PPP1R21: variants seen among roughly 807,000 people sequenced by gnomAD.
PPP1R21 encodes the protein protein phosphatase 1 regulatory subunit 21.
In PPP1R21, 85 loss-of-function variants were observed where a neutral mutation model predicts 112.8. The ratio of observed to expected loss-of-function variants is 0.75; its 90% CI spans 0.63 to 0.90. PPP1R21 has a LOEUF of 0.90. PPP1R21 is among the 40% of genes least tolerant of loss of function. The probability of loss-of-function intolerance (pLI) is 0.00; values close to 1 mark genes in which losing one functional copy is unlikely to be tolerated. For missense variants in PPP1R21, 1,199 were observed against 901.5 expected (o/e 1.33, Z -4.23); for synonymous variants, 381 against 322.3 (o/e 1.18, Z -1.95).
intron 1 of PPP1R21, among the ~76,000 whole-genome samples, chr2:48,444,637 A>C (rs1162829212): frequency 6.6e-6 from 1 of 152,186 alleles, no homozygotes; most frequent in Non-Finnish European, 1.5e-5. Flanking sequence ...ATGATTCTCA[A>C]AGTGTGGAAC....
At chr2:48,464,650 AAGTAGTCCTG>A (rs2103817202) in intron 7 of PPP1R21, among the ~76,000 whole-genome samples, 1 of 152,308 alleles carries the variant, frequency 6.6e-6, no homozygotes, top group African/African-American at 2.4e-5. Flanking sequence ...GAGCCTTTCT[AAGTAGTCCTG>A]ATAAGCCTGA....
chr2:48,448,938 T>C (rs1667365371), intron 1 of PPP1R21, among the ~76,000 whole-genome samples: 1 of 151,996 alleles, frequency 6.6e-6, no homozygotes, highest in Non-Finnish European at 1.5e-5. Context: ...TATGGCTATG[T>C]TCCAATAAAA....
At chr2:48,457,034 A>C (rs548233093) in intron 3 of PPP1R21, among the ~76,000 whole-genome samples, 7 of 151,376 alleles carry the variant, frequency 4.6e-5, no homozygotes, top group African/African-American at 1.7e-4. Context: ...CCTGGGCGAC[A>C]GAGTGAGACT....
intron 1 of PPP1R21, among the ~76,000 whole-genome samples, chr2:48,445,474 A>C (rs909430296): frequency 6.6e-6 from 1 of 152,192 alleles, no homozygotes; most frequent in South Asian, 2.1e-4. Flanking sequence ...TAAATGACTC[A>C]CTTGAAGACC....
intron 21 of PPP1R21, among the ~76,000 whole-genome samples, 183 bp downstream of exon 21, chr2:48,511,651 C>T (rs1415787742): frequency 7.0e-6 from 1 of 143,660 alleles, no homozygotes. Flanking sequence ...CCCTTGAGGC[C>T]AGGAGTTGGA....
chr2:48,476,395 A>G (rs1558470627), intron 12 of PPP1R21, among the ~76,000 whole-genome samples: 1 of 152,214 alleles, frequency 6.6e-6, no homozygotes. Flanking sequence ...GCTATTACAA[A>G]TAATGATGCT....
intron 12 of PPP1R21, among the ~76,000 whole-genome samples, chr2:48,477,668 T>TTG (rs202018499): frequency 3.7e-5 from 3 of 80,012 alleles, no homozygotes; most frequent in African/African-American, 1.1e-4. Flanking sequence ...GCCCTCCTAC[T>TTG]TTTTTTTTTT....
chr2:48,442,137 A>T (rs1265350209), intron 1 of PPP1R21, among the ~76,000 whole-genome samples: 1 of 152,208 alleles, frequency 6.6e-6, no homozygotes, highest in African/African-American at 2.4e-5. Context: ...TAGTGATGGC[A>T]AGTGTTCATC....
intron 15 of PPP1R21, among the ~76,000 whole-genome samples, chr2:48,493,240 C>T (rs1246260593): frequency 6.6e-6 from 1 of 152,062 alleles, no homozygotes; most frequent in African/African-American, 2.4e-5. Context: ...CTCCTGACCT[C>T]CTGATCCACC....
At chr2:48,443,948 A>T (rs746127291) in intron 1 of PPP1R21, among the ~76,000 whole-genome samples, 5 of 152,166 alleles carry the variant, frequency 3.3e-5, no homozygotes, top group Non-Finnish European at 7.3e-5. Context: ...AGCCAAGGAC[A>T]TTGGCAGAGT....
chr2:48,459,178 A>AC (rs1553337038), intron 4 of PPP1R21, among the ~76,000 whole-genome samples: 4 of 149,812 alleles, frequency 2.7e-5, no homozygotes, highest in Non-Finnish European at 5.9e-5. Flanking sequence ...AATGGTAGGA[A>AC]ACACACACAC....
intron 21 of PPP1R21, among the ~76,000 whole-genome samples, chr2:48,514,082 T>TG (rs1403427014): frequency 1.5e-5 from 1 of 68,830 alleles, no homozygotes; most frequent in African/African-American, 7.5e-5. Context: ...TCTTTTTTTT[T>TG]TTTTTTTTTT....
At chr2:48,451,973 C>T (rs1199950655) in intron 2 of PPP1R21, among the ~76,000 whole-genome samples, 1 of 152,192 alleles carries the variant, frequency 6.6e-6, no homozygotes, top group Non-Finnish European at 1.5e-5. Context: ...TCCTCAGGTG[C>T]TGTTAGCACA....
At chr2:48,459,206 C>T (rs960004769) in intron 4 of PPP1R21, among the ~76,000 whole-genome samples, 21 of 151,422 alleles carry the variant, frequency 1.4e-4, no homozygotes, top group Admixed American at 7.2e-4. Flanking sequence ...CAAACAGACA[C>T]GCTTTTCAGT....
intron 15 of PPP1R21, among the ~76,000 whole-genome samples, chr2:48,493,011 CTTTT>C (rs746795481): frequency 1.0e-5 from 1 of 96,662 alleles, no homozygotes; most frequent in Non-Finnish European, 2.0e-5. Flanking sequence ...GGTCATTTAC[CTTTT>C]TTTTTTTTTT....
intron 16 of PPP1R21, 182 bp downstream of exon 16, chr2:48,495,953 C>T (rs1669816527): frequency 5.4e-6 from 3 of 553,108 alleles, no homozygotes; most frequent in African/African-American, 3.8e-5. Context: ...TGTTGACACT[C>T]TAAGTCATCT....
intron 12 of PPP1R21, among the ~76,000 whole-genome samples, chr2:48,476,741 A>G (rs1429881224): frequency 6.6e-6 from 1 of 152,084 alleles, no homozygotes; most frequent in East Asian, 1.9e-4. Context: ...CCATTTGTAT[A>G]TCTTCTTGGA....
Position 48,472,239 on chromosome 2 carries a change from C to CAA in PPP1R21, c.1088+900_1088+901dup, listed in dbSNP as rs57711610. On this transcript the variant is annotated intron_variant, in intron 11 of 21. Coordinates refer to ENST00000294952, the MANE Select transcript of PPP1R21 (RefSeq NM_001135629.3). ...TAGGCAACAGAGCGAGACTCCATCT[C>CAA]AAAAAAAAAAAAAAAAAAAAAAAAA... 7.4e-4 allele frequency among the ~76,000 whole-genome samples: 32 copies of CAA among 43,036 alleles called. 1 individual carries two copies. Among genetic ancestry groups the CAA allele is most frequent in the South Asian group, 3.0e-3 (2 of 672 alleles). 28.2% of individuals were successfully genotyped at this position (43,036 alleles called of 152,430 possible).
At chr2:48,456,397 G>A (rs954713298) in intron 3 of PPP1R21, among the ~76,000 whole-genome samples, 3 of 152,152 alleles carry the variant, frequency 2.0e-5, no homozygotes, top group Non-Finnish European at 4.4e-5. Flanking sequence ...TGACTCTGAA[G>A]GAGTGCAGTA....
Sources: gnomAD v4.1 joint callset for allele counts (sites outside exome capture counted in the v4.1 genomes callset) on GRCh38, gnomAD v4.1.1 for gene constraint, MANE v1.5 for transcripts, NCBI Gene and HGNC (gene_info 2026-07-23, HGNC 2026-07-21) for gene names.